RABGAP1L: variants seen among roughly 807,000 people sequenced by gnomAD.
The protein encoded by RABGAP1L is rab GTPase-activating protein 1-like.
RABGAP1L carries 63 observed loss-of-function variants against 137.7 expected under a neutral mutation model. That is an observed-to-expected ratio of 0.46 (90% CI 0.37 to 0.56). RABGAP1L has a LOEUF of 0.56. Among genes scored for constraint, RABGAP1L ranks in the 20% least tolerant of loss-of-function variants. The pLI is 0.00. For missense variants in RABGAP1L, 1,095 were observed against 1,244.0 expected, an observed-to-expected ratio of 0.88 and a Z score of 1.80; for synonymous variants, 431 against 433.7, an observed-to-expected ratio of 0.99 and a Z score of 0.08.
chr1:174,296,425 A>C (rs886308467), intron 10 of RABGAP1L, among the ~76,000 whole-genome samples: 1 of 152,196 alleles, frequency 6.6e-6, no homozygotes, highest in Non-Finnish European at 1.5e-5. Flanking sequence ...TTGGAAGCCA[A>C]ACTCTTCTGC....
At chr1:174,803,255 A>C (rs1313453572) in intron 18 of RABGAP1L, among the ~76,000 whole-genome samples, 1 of 152,200 alleles carries the variant, frequency 6.6e-6, no homozygotes, top group Non-Finnish European at 1.5e-5. Flanking sequence ...TAGAGGATGC[A>C]CATTTGGAAT....
intron 5 of RABGAP1L, among the ~76,000 whole-genome samples, chr1:174,243,666 T>C (rs1322490090): frequency 1.3e-5 from 2 of 152,234 alleles, no homozygotes; most frequent in East Asian, 1.9e-4. Context: ...GTTGGACTTA[T>C]TAGACAAGTG....
At chr1:174,838,361 A>G (rs930302433) in intron 19 of RABGAP1L, among the ~76,000 whole-genome samples, 2 of 152,130 alleles carry the variant, frequency 1.3e-5, no homozygotes, top group Non-Finnish European at 2.9e-5. Flanking sequence ...GCCTCTTGCT[A>G]AGGATACCAA....
intron 1 of RABGAP1L, among the ~76,000 whole-genome samples, chr1:174,174,090 G>T (rs1462509845): frequency 6.6e-6 from 1 of 151,924 alleles, no homozygotes; most frequent in Admixed American, 6.6e-5. Context: ...GGTTGTAGTA[G>T]ATTAAGGAGG....
intron 11 of RABGAP1L, among the ~76,000 whole-genome samples, chr1:174,337,342 G>A (rs925146686): frequency 1.3e-5 from 2 of 152,054 alleles, no homozygotes; most frequent in Non-Finnish European, 2.9e-5. Flanking sequence ...GGGAAGAGTA[G>A]AAAGTAGAAA....
chr1:174,596,167 A>C (rs1242003933), intron 13 of RABGAP1L, among the ~76,000 whole-genome samples: 10 of 140,140 alleles, frequency 7.1e-5, no homozygotes, highest in Non-Finnish European at 1.2e-4. Flanking sequence ...GAACTCCCTG[A>C]CCCCTTGCGC....
At chr1:174,304,893 AT>A in intron 10 of RABGAP1L, 92 bp from the exon 11 acceptor site, 1 of 1,186,560 alleles carries the variant, frequency 8.4e-7, no homozygotes, top group Non-Finnish European at 1.1e-6. Context: ...GCCATTCTTC[AT>A]TGCAGCTCTT....
At chr1:174,916,914 A>G (rs955081869) in intron 19 of RABGAP1L, among the ~76,000 whole-genome samples, 6 of 152,238 alleles carry the variant, frequency 3.9e-5, no homozygotes, top group African/African-American at 1.4e-4. Flanking sequence ...CACCGTATAC[A>G]ATATCACTTA....
intron 14 of RABGAP1L, among the ~76,000 whole-genome samples, chr1:174,680,401 C>T (rs1572784990): frequency 1.3e-5 from 2 of 152,152 alleles, no homozygotes; most frequent in Admixed American, 6.5e-5. Flanking sequence ...TTCTGTGAAC[C>T]AGGAAACCGA....
intron 13 of RABGAP1L, among the ~76,000 whole-genome samples, chr1:174,473,287 T>C (rs932315941): frequency 1.3e-5 from 2 of 152,244 alleles, no homozygotes; most frequent in Non-Finnish European, 2.9e-5. Context: ...ATAGGATCTC[T>C]GTAAACCTTG....
At chr1:174,566,519 C>T (rs1667598509) in intron 13 of RABGAP1L, among the ~76,000 whole-genome samples, 1 of 152,086 alleles carries the variant, frequency 6.6e-6, no homozygotes. Flanking sequence ...AGGCAAGGAA[C>T]CATAGCTTTC....
In RABGAP1L at chr1:174,182,867, G is replaced by A. The variant is rs185584209; in HGVS notation, c.-34+23210G>A. ...CTTTCATGTTGCCTTTCTCAGTATG[G>A]CTATTTAAAGTTTCTTAAGACATTT... On this transcript the variant is annotated intron_variant, in intron 1 of 25. Coordinates refer to ENST00000681986, the MANE Select transcript of RABGAP1L (RefSeq NM_001366446.1). Among the ~76,000 whole-genome samples the A allele has an allele frequency of 6.9e-4, 105 of 152,204 alleles. 2 individuals carry two copies. The East Asian group carries it at 0.017, about 25-fold the overall frequency.
intron 19 of RABGAP1L, among the ~76,000 whole-genome samples, chr1:174,882,242 A>G (rs1041615202): frequency 2.0e-5 from 3 of 152,214 alleles, no homozygotes; most frequent in Non-Finnish European, 4.4e-5. Flanking sequence ...CTTTCTTAGT[A>G]CAGGCTTAAT....
intron 11 of RABGAP1L, among the ~76,000 whole-genome samples, chr1:174,349,044 C>CT (rs1176188740): frequency 9.7e-6 from 1 of 102,812 alleles, no homozygotes; most frequent in Non-Finnish European, 2.0e-5. Flanking sequence ...GCTGGCCGGG[C>CT]GGGGGGGGGG....
chr1:174,366,676 G>A (rs1057509526), intron 11 of RABGAP1L, among the ~76,000 whole-genome samples: 2 of 150,344 alleles, frequency 1.3e-5, no homozygotes, highest in African/African-American at 4.9e-5. Flanking sequence ...TTCGGAGGCT[G>A]AGACAGGAGA....
Position 174,448,042 on chromosome 1 carries a change from T to C in RABGAP1L, c.1710+53897T>C. The C allele has an allele frequency of 7.2e-7, 1 of 1,380,638 alleles. No homozygotes were observed. Among genetic ancestry groups the C allele is most frequent in the Non-Finnish European group, 1.0e-6 (1 of 993,582 alleles). 85.5% of individuals were successfully genotyped at this position (1,380,638 alleles called of 1,614,324 possible). On this transcript the variant is annotated intron_variant, in intron 13 of 25. Transcript: ENST00000681986. The surrounding 1 kb of genome is among the most constrained non-coding windows in gnomAD (Gnocchi z 4.2). ...GGTTCTGAAACACTCATGTGCGGTG[T>C]TTAACAGATGCTGGGCAGGGCATCT...
At chr1:174,867,324 T>A (rs2987876) in intron 19 of RABGAP1L, among the ~76,000 whole-genome samples, 53,492 of 150,984 alleles carry the variant, frequency 0.35, 11,964 homozygotes, top group African/African-American at 0.64. Context: ...GAGGTTGCAG[T>A]GGGCCGAGAT....
chr1:174,406,705 C>T (rs1473183283), intron 13 of RABGAP1L, among the ~76,000 whole-genome samples: 1 of 152,090 alleles, frequency 6.6e-6, no homozygotes, highest in Non-Finnish European at 1.5e-5. Flanking sequence ...AAAGCCAAGG[C>T]AGGAAGATCT....
chr1:174,597,579 A>G (rs1282047913), intron 13 of RABGAP1L, among the ~76,000 whole-genome samples: 1 of 151,158 alleles, frequency 6.6e-6, no homozygotes, highest in Non-Finnish European at 1.5e-5. Context: ...CTCTGATTTT[A>G]TTTATTTGTC....
Sources: gnomAD v4.1 joint callset for allele counts (sites outside exome capture counted in the v4.1 genomes callset) on GRCh38, gnomAD v4.1.1 for gene constraint, Gnocchi (gnomAD v3.1) non-coding constraint, MANE v1.5 for transcripts, NCBI Gene and HGNC (gene_info 2026-07-23, HGNC 2026-07-21) for gene names.